CLEC2D: variants seen among roughly 807,000 people sequenced by gnomAD.
CLEC2D encodes C-type lectin domain family 2 member D.
In CLEC2D, 16 loss-of-function variants were observed where a neutral mutation model predicts 20.0. The observed-to-expected ratio is 0.80, with a 90% confidence interval of 0.54 to 1.22. The LOEUF is 1.22. Among genes scored for constraint, CLEC2D ranks in the 50% most tolerant of loss-of-function variants. CLEC2D has a pLI of 0.00. For missense variants in CLEC2D, 207 were observed against 221.5 expected (o/e 0.93, Z 0.42); for synonymous variants, 77 against 71.1 (o/e 1.08, Z -0.42).
chr12:9,679,477 T>C (rs1464348726), intron 1 of CLEC2D, among the ~76,000 whole-genome samples: 1 of 152,188 alleles, frequency 6.6e-6, no homozygotes, highest in Non-Finnish European at 1.5e-5. Flanking sequence ...TTTTTTCTCT[T>C]AATACTTTAA....
At chr12:9,690,436 A>G (rs1302926720) in intron 3 of CLEC2D, among the ~76,000 whole-genome samples, 2 of 152,114 alleles carry the variant, frequency 1.3e-5, no homozygotes, top group African/African-American at 2.4e-5. Flanking sequence ...AATATTCATA[A>G]AAGTAACAAT....
At chr12:9,693,854 G>A in intron 4 of CLEC2D, 1 of 437,506 alleles carries the variant, frequency 2.3e-6, no homozygotes, top group Non-Finnish European at 4.6e-6. Context: ...TACCCAGGCT[G>A]GAGTGCAGTA....
chr12:9,684,324 CAG>C (rs1865708197), intron 2 of CLEC2D, among the ~76,000 whole-genome samples: 1 of 152,316 alleles, frequency 6.6e-6, no homozygotes, highest in East Asian at 1.9e-4. Context: ...CATCTGCAAA[CAG>C]AGATAATTTG....
intron 2 of CLEC2D, among the ~76,000 whole-genome samples, chr12:9,682,991 C>T (rs1865667623): frequency 6.6e-6 from 1 of 152,196 alleles, no homozygotes; most frequent in Non-Finnish European, 1.5e-5. Context: ...TATTTCTCTA[C>T]ATCCTCTTCA....
At chr12:9,689,948 A>C (rs1459931285) in intron 3 of CLEC2D, among the ~76,000 whole-genome samples, 1 of 152,138 alleles carries the variant, frequency 6.6e-6, no homozygotes. Flanking sequence ...AAATACACTT[A>C]AAGAAATAAT....
intron 2 of CLEC2D, among the ~76,000 whole-genome samples, chr12:9,684,508 G>C (rs916320073): frequency 6.6e-6 from 1 of 152,096 alleles, no homozygotes; most frequent in Admixed American, 6.6e-5. Context: ...TATGATATTC[G>C]CTATGAGTTT....
intron 3 of CLEC2D, 162 bp downstream of exon 3, chr12:9,688,248 T>G (rs1035885819): frequency 1.6e-6 from 2 of 1,229,936 alleles, no homozygotes. Flanking sequence ...ATGTATTATA[T>G]TTTACAGTGA....
chr12:9,689,408 A>G (rs11052434), intron 3 of CLEC2D, among the ~76,000 whole-genome samples: 9,029 of 152,282 alleles, frequency 0.059, 314 homozygotes, highest in Non-Finnish European at 0.084. Context: ...ACCACAACAT[A>G]GTATTCATAA....
chr12:9,697,025 A>G lies in CLEC2D; in HGVS notation c.*2151A>G, dbSNP rs910161324. ...CATATATATAAAACACACACATTAT[A>G]TACATACATACATATATATATATAT... On this transcript the variant is annotated 3_prime_UTR_variant, in exon 5 of 5. Coordinates refer to ENST00000290855, the MANE Select transcript of CLEC2D (RefSeq NM_013269.6). 1.6e-4 allele frequency: 12 copies of G among 73,920 alleles called. No individual in the cohort carries two copies. Among genetic ancestry groups the G allele is most frequent in the African/African-American group, 6.8e-4 (12 of 17,614 alleles). 4.6% of individuals were successfully genotyped at this position (73,920 alleles called of 1,614,324 possible).
At chr12:9,690,273 T>A (rs975717558) in intron 3 of CLEC2D, among the ~76,000 whole-genome samples, 15 of 152,076 alleles carry the variant, frequency 9.9e-5, no homozygotes, top group Admixed American at 9.8e-4. Context: ...AAGTTGTCCT[T>A]CAAGAATGAA....
intron 1 of CLEC2D, among the ~76,000 whole-genome samples, chr12:9,674,444 G>C (rs1171030061): frequency 1.3e-5 from 2 of 152,216 alleles, no homozygotes; most frequent in East Asian, 3.9e-4. Flanking sequence ...TGCCCAATGA[G>C]ATGAACTTGG....
At chr12:9,678,398 A>G (rs1565465330) in intron 1 of CLEC2D, among the ~76,000 whole-genome samples, 1 of 152,180 alleles carries the variant, frequency 6.6e-6, no homozygotes, top group Non-Finnish European at 1.5e-5. Flanking sequence ...TGCAGACATC[A>G]TATAGTTTAA....
intron 2 of CLEC2D, among the ~76,000 whole-genome samples, chr12:9,686,250 G>C (rs1357482267): frequency 6.6e-6 from 1 of 151,774 alleles, no homozygotes; most frequent in Non-Finnish European, 1.5e-5. Context: ...CCTGCCTTCT[G>C]CATTGGTCTC....
chr12:9,681,343 C>T (rs1045625635), intron 2 of CLEC2D, among the ~76,000 whole-genome samples: 1 of 152,016 alleles, frequency 6.6e-6, no homozygotes, highest in Non-Finnish European at 1.5e-5. Flanking sequence ...GATCTAGGAA[C>T]ATGGTTAATT....
At chr12:9,692,270 G>T (rs895592631) in intron 3 of CLEC2D, among the ~76,000 whole-genome samples, 1 of 151,970 alleles carries the variant, frequency 6.6e-6, no homozygotes, top group Non-Finnish European at 1.5e-5. Flanking sequence ...CAAATAGCTG[G>T]GATTACAGGT....
Position 9,695,650 on chromosome 12 carries a change from G to T in CLEC2D, c.*776G>T. The T allele has an allele frequency of 6.3e-7, 1 of 1,575,680 alleles. No individual in the cohort carries two copies. ...GTCTGTACAGCCAACGGTTTCTCTTGGGGGCTTTGAAATAACACCACCAGT... is the reference window on the plus strand; with the variant it reads ...GTCTGTACAGCCAACGGTTTCTCTTTGGGGCTTTGAAATAACACCACCAGT... On this transcript the variant is annotated 3_prime_UTR_variant, in exon 5 of 5. Transcript: ENST00000290855.
chr12:9,678,748 C>T (rs997648314), intron 1 of CLEC2D, among the ~76,000 whole-genome samples: 8 of 152,138 alleles, frequency 5.3e-5, no homozygotes, highest in Non-Finnish European at 1.2e-4. Context: ...GCTACGTTGC[C>T]CAGGCTGGTC....
At position 9,695,954 on chromosome 12, in the gene CLEC2D, A is replaced by G; in HGVS notation, c.*1080A>G. The stretch of plus-strand genomic sequence containing the variant: ...TCTATACGAGATACTCCAGCCAAAA[A>G]TGCACAAAAGTCAAATCAGAATGGA... On this transcript the variant is annotated 3_prime_UTR_variant, in exon 5 of 5. Coordinates refer to ENST00000290855, the MANE Select transcript of CLEC2D (RefSeq NM_013269.6). The G allele has an allele frequency of 6.4e-7, 1 of 1,556,526 alleles. No homozygotes were observed. The highest frequency in any genetic ancestry group is 8.8e-7 in the Non-Finnish European group (1 of 1,142,832).
chr12:9,688,194 T>A, intron 3 of CLEC2D, 108 bp downstream of exon 3: 2 of 870,120 alleles, frequency 2.3e-6, no homozygotes, highest in Non-Finnish European at 2.9e-6. Flanking sequence ...ACATTGATTT[T>A]TTTTTTTTTT....
Sources: allele counts gnomAD v4.1 joint callset (sites outside exome capture counted in the v4.1 genomes callset), GRCh38; gene constraint gnomAD v4.1.1; transcripts MANE v1.5; gene names NCBI Gene and HGNC (gene_info 2026-07-23, HGNC 2026-07-21).